The following ZNF862 variants were observed in gnomAD, a reference collection of about 807,000 sequenced individuals.
ZNF862 encodes the protein zinc finger protein 862.
A neutral mutation model predicts 91.1 loss-of-function variants in ZNF862; 64 were observed. The observed-to-expected ratio is 0.70, with a 90% CI of 0.57 to 0.87. ZNF862 has a LOEUF of 0.87. Among genes scored for constraint, ZNF862 ranks in the 40% least tolerant of loss-of-function variants. The pLI is 0.00. For missense variants in ZNF862, 1,459 were observed against 1,528.0 expected (o/e 0.95, Z 0.75); for synonymous variants, 631 against 618.1 (o/e 1.02, Z -0.31).
chr7:149,855,316 G>A lies in ZNF862; in HGVS notation c.1118-4106G>A, dbSNP rs1048558595. Among the ~76,000 whole-genome samples the A allele has an allele frequency of 2.0e-5, 3 of 152,132 alleles. No individual in the cohort carries two copies. Among genetic ancestry groups the A allele is most frequent in the East Asian group, 1.9e-4 (1 of 5,190 alleles). Reference sequence around the variant, plus strand: ...GGAAAATGTAGGAAACAAAAGCCCCGTCTCTGTGTAGTAGTAGAAAATCTG... The same window carrying A: ...GGAAAATGTAGGAAACAAAAGCCCCATCTCTGTGTAGTAGTAGAAAATCTG... On this transcript the variant is annotated intron_variant, in intron 5 of 7. Transcript: ENST00000223210. This position sits in a 1 kb window ranked among gnomAD's most constrained non-coding sequence, Gnocchi z 4.1.
chr7:149,862,811 G>A (rs574910988), intron 7 of ZNF862, among the ~76,000 whole-genome samples: 66 of 152,342 alleles, frequency 4.3e-4, no homozygotes, highest in Non-Finnish European at 6.5e-4. Flanking sequence ...TGATGCCTTG[G>A]TTTCTCATCT....
intron 7 of ZNF862, among the ~76,000 whole-genome samples, chr7:149,863,760 T>C (rs1023793921): frequency 6.6e-6 from 1 of 152,180 alleles, no homozygotes; most frequent in African/African-American, 2.4e-5. Flanking sequence ...GTAATCTCTG[T>C]TGGGGGCCCT....
intron 6 of ZNF862, 30 bp from the exon 7 acceptor site, chr7:149,860,353 G>GA: frequency 3.8e-6 from 6 of 1,582,362 alleles, no homozygotes; most frequent in Non-Finnish European, 5.2e-6. Flanking sequence ...CTGGGTAGCA[G>GA]AACCAAGCAT....
chr7:149,860,308 TG>T, intron 6 of ZNF862, 74 bp from the exon 7 acceptor site: 2 of 1,330,588 alleles, frequency 1.5e-6, no homozygotes, highest in Non-Finnish European at 2.1e-6. Flanking sequence ...TTATTAAATT[TG>T]GGGGTGTCTT....
chr7:149,860,472 C>T lies in ZNF862; in HGVS notation c.1312C>T (p.Arg438Cys), dbSNP rs550510789. Residue 438 changes from arginine to cysteine, a missense_variant, in exon 7 of 8, where the codon CGT (arginine) becomes TGT (cysteine). Arg to Cys is a radical substitution (Grantham distance 180). Coordinates refer to ENST00000223210, the MANE Select transcript of ZNF862 (RefSeq NM_001099220.3). ...GCTTCCAGGCTCTCCCGTGGAGGCCCGTGCCTCCTGCTGCAGTTCCAGCAT... is the reference window on the plus strand; with the variant it reads ...GCTTCCAGGCTCTCCCGTGGAGGCCTGTGCCTCCTGCTGCAGTTCCAGCAT... ...ALLPGSPVEA[R>C]ASCCSSSICE... The T allele has an allele frequency of 2.2e-5, 35 of 1,613,966 alleles. No homozygotes were observed. In the East Asian group the frequency reaches 4.0e-4, roughly 18 times the overall value.
chr7:149,842,176 A>G (rs931445568), intron 1 of ZNF862, among the ~76,000 whole-genome samples: 12 of 152,140 alleles, frequency 7.9e-5, no homozygotes, highest in African/African-American at 2.9e-4. Flanking sequence ...AGTTGGTGGG[A>G]GGAAGTGTGC....
chr7:149,851,931 A>C (rs1332610542), intron 5 of ZNF862: 1 of 152,158 alleles, frequency 6.6e-6, no homozygotes, highest in African/African-American at 2.4e-5. Flanking sequence ...GTTGTCTGTG[A>C]AATTGAGACA....
chr7:149,852,158 A>G (rs1212302691), intron 5 of ZNF862: 1 of 152,098 alleles, frequency 6.6e-6, no homozygotes, highest in East Asian at 1.9e-4. Flanking sequence ...TGGGATATAA[A>G]GTAGTGTTAA....
chr7:149,857,582 TA>T (rs1202118595), intron 5 of ZNF862, among the ~76,000 whole-genome samples: 1 of 152,220 alleles, frequency 6.6e-6, no homozygotes, highest in Non-Finnish European at 1.5e-5. Context: ...AGGCTTTTCT[TA>T]AATAATTATC....
chr7:149,862,995 C>G (rs1247071971), intron 7 of ZNF862, among the ~76,000 whole-genome samples: 2 of 152,204 alleles, frequency 1.3e-5, no homozygotes, highest in Non-Finnish European at 2.9e-5. Context: ...CAGGAATTTT[C>G]AAGAGGGAAG....
Position 149,846,105 on chromosome 7 carries a change from A to G in ZNF862, c.137-46A>G, listed in dbSNP as rs117825133. The G allele has an allele frequency of 5.3e-4, 761 of 1,433,780 alleles. 1 individual carries two copies. Among genetic ancestry groups the G allele is most frequent in the Non-Finnish European group, 7.0e-4 (715 of 1,028,286 alleles). 88.8% of individuals were successfully genotyped at this position (1,433,780 alleles called of 1,614,324 possible). On this transcript the variant is annotated intron_variant, in intron 2 of 7. Transcript: ENST00000223210. ...TTGTGACCCGGAGCCAGGTCTTCAT[A>G]GTGCTTTTCTCTCTCTCTCGCTCTC...
chr7:149,862,111 A>G lies in ZNF862; in HGVS notation c.2951A>G (p.Tyr984Cys). Residue 984 changes from tyrosine to cysteine, a missense_variant, in exon 7 of 8, where the codon TAC (tyrosine) becomes TGC (cysteine). By Grantham distance (194) the Tyr-to-Cys change is radical. Coordinates refer to ENST00000223210, the MANE Select transcript of ZNF862 (RefSeq NM_001099220.3). ...TTCGAGTGCTCCCTCCCAACAGGAT[A>G]CAGTGAGGAAGCTCTGCTGGAGGAG... ...RYFECSLPTG[Y>C]SEEALLEEWL... 1 of 1,613,550 alleles carries G rather than the reference A, an allele frequency of 6.2e-7. No individual in the cohort carries two copies. The highest frequency in any genetic ancestry group is 8.5e-7 in the Non-Finnish European group (1 of 1,179,876).
At chr7:149,841,501 C>A in intron 1 of ZNF862, 1 of 982,394 alleles carries the variant, frequency 1.0e-6, no homozygotes, top group Non-Finnish European at 1.2e-6. Flanking sequence ...GTTGACTTGA[C>A]TCTTACATCC....
chr7:149,859,582 G>A (rs913859843), intron 6 of ZNF862, 56 bp downstream of exon 6: 9 of 1,408,188 alleles, frequency 6.4e-6, no homozygotes, highest in Non-Finnish European at 8.7e-6. Flanking sequence ...AGGCGGCTAT[G>A]ATGAGTCAAA....
intron 1 of ZNF862, among the ~76,000 whole-genome samples, chr7:149,843,840 G>A (rs1801784634): frequency 1.3e-5 from 2 of 152,202 alleles, no homozygotes; most frequent in East Asian, 1.9e-4. Context: ...AAGATGCCAA[G>A]CCTTTGAGGA....
intron 2 of ZNF862, 72 bp from the exon 3 acceptor site, chr7:149,846,079 G>C: frequency 9.0e-7 from 1 of 1,106,492 alleles, no homozygotes; most frequent in Non-Finnish European, 1.3e-6. Flanking sequence ...CCTCCTTCGT[G>C]TTGTGACCCG....
Position 149,850,446 on chromosome 7 carries a change from G to A in ZNF862, c.1117+108G>A. ...TCCCATTCCTGCCCCCTCCCTGTGT[G>A]TAGGCAGAGACCGATCCTGTCTTTT... On this transcript the variant is annotated intron_variant, in intron 5 of 7. Coordinates refer to ENST00000223210, the MANE Select transcript of ZNF862 (RefSeq NM_001099220.3). The surrounding 1 kb of genome is among the most constrained non-coding windows in gnomAD (Gnocchi z 4.2). 3.3e-6 allele frequency: 4 copies of A among 1,202,194 alleles called. No homozygotes were observed. Among genetic ancestry groups the A allele is most frequent in the Non-Finnish European group, 3.4e-6 (3 of 870,398 alleles). 74.5% of individuals were successfully genotyped at this position (1,202,194 alleles called of 1,614,324 possible).
At chr7:149,843,457 C>T (rs957209794) in intron 1 of ZNF862, among the ~76,000 whole-genome samples, 5 of 152,122 alleles carry the variant, frequency 3.3e-5, no homozygotes, top group Non-Finnish European at 5.9e-5. Flanking sequence ...CACTTTGTTG[C>T]GTGGCTGTGG....
rs1802490101 is a variant in ZNF862 at position 149,861,378 on chromosome 7, A to G, written c.2218A>G (p.Ile740Val). The change falls in exon 7 of 8, where the codon ATC becomes GTC. Residue 740 changes from isoleucine (I) to valine (V), a missense_variant. Physicochemically the swap from Ile to Val is conservative, Grantham distance 29. Coordinates refer to ENST00000223210, the MANE Select transcript of ZNF862 (RefSeq NM_001099220.3). This position sits in a 1 kb window ranked among gnomAD's most constrained non-coding sequence, Gnocchi z 6.7. ...GGCTGTGGTGGACGCCTGCGGGAGCATCGATCTGGTGAAGAAGTGTGACCG... is the reference window on the plus strand; with the variant it reads ...GGCTGTGGTGGACGCCTGCGGGAGCGTCGATCTGGTGAAGAAGTGTGACCG... ...HLAVVDACGS[I>V]DLVKKCDRHI... 1.2e-6 allele frequency: 2 copies of G among 1,613,074 alleles called. No homozygotes were observed. Among genetic ancestry groups the G allele is most frequent in the African/African-American group, 2.7e-5 (2 of 75,066 alleles).
Sources: allele counts gnomAD v4.1 joint callset (sites outside exome capture counted in the v4.1 genomes callset), GRCh38; gene constraint gnomAD v4.1.1; non-coding constraint Gnocchi (gnomAD v3.1); transcripts MANE v1.5; gene names NCBI Gene and HGNC (gene_info 2026-07-23, HGNC 2026-07-21).